Variants in FRMPD4 observed in about 807,000 individuals in gnomAD.
The protein encoded by FRMPD4 is FERM and PDZ domain-containing protein 4.
In FRMPD4, 22 loss-of-function variants were observed where a neutral mutation model predicts 94.1. That is an observed-to-expected ratio of 0.23 (90% CI 0.17 to 0.33). The LOEUF (loss-of-function observed/expected upper bound fraction) is 0.33. Ranked by LOEUF, FRMPD4 falls within the 10% of genes least tolerant of loss-of-function variation. The pLI is 1.00. For synonymous variants in FRMPD4, 631 were observed against 548.6 expected (o/e 1.15, Z -2.10); for missense variants, 1,111 against 1,339.9 (o/e 0.83, Z 2.67).
At chrX:12,334,977 C>A (rs2055494286) in intron 1 of FRMPD4, among the ~76,000 whole-genome samples, 1 of 111,336 alleles carries the variant, frequency 9.0e-6, no homozygotes, top group East Asian at 2.8e-4. Flanking sequence ...TACAGAGATA[C>A]AATTGAAGTT....
chrX:12,570,462 C>A (rs2058751032), intron 2 of FRMPD4, among the ~76,000 whole-genome samples: 1 of 111,062 alleles, frequency 9.0e-6, no homozygotes, highest in African/African-American at 3.3e-5. Context: ...CCCACCACCA[C>A]ACATGGCTAA....
intron 3 of FRMPD4, among the ~76,000 whole-genome samples, chrX:11,962,033 G>A (rs898941175): frequency 2.7e-5 from 3 of 112,700 alleles, no homozygotes; most frequent in African/African-American, 3.2e-5. Context: ...CTCTAAGGCC[G>A]AAGGACAAAA....
intron 3 of FRMPD4, among the ~76,000 whole-genome samples, chrX:12,100,428 G>A (rs189094542): frequency 2.7e-5 from 3 of 111,104 alleles, no homozygotes; most frequent in Admixed American, 1.9e-4. Context: ...CAGCTAATTA[G>A]GAGAGTTGAT....
chrX:12,686,487 T>C (rs984477556), intron 7 of FRMPD4, among the ~76,000 whole-genome samples: 1 of 111,944 alleles, frequency 8.9e-6, no homozygotes, highest in Non-Finnish European at 1.9e-5. Flanking sequence ...CAACTACAGA[T>C]TAATTAAAAT....
intron 1 of FRMPD4, among the ~76,000 whole-genome samples, chrX:12,372,274 C>T (rs2056173274): frequency 8.8e-6 from 1 of 113,170 alleles, no homozygotes; most frequent in Admixed American, 9.3e-5. Context: ...CTGCCGGAAA[C>T]GTGTCAGCCT....
At chrX:12,351,348 C>T (rs377413723) in intron 1 of FRMPD4, among the ~76,000 whole-genome samples, 41 of 110,100 alleles carry the variant, frequency 3.7e-4, no homozygotes, top group African/African-American at 1.3e-3. Context: ...TAGAGGAACA[C>T]GTGACTTGGT....
At chrX:11,978,797 G>T (rs773448388) in intron 3 of FRMPD4, among the ~76,000 whole-genome samples, 2 of 111,396 alleles carry the variant, frequency 1.8e-5, no homozygotes, top group Non-Finnish European at 3.8e-5. Flanking sequence ...TCAAATTAGG[G>T]TCGCTGCTTT....
chrX:12,371,725 A>G (rs915349933), intron 1 of FRMPD4, among the ~76,000 whole-genome samples: 2 of 111,741 alleles, frequency 1.8e-5, no homozygotes, highest in African/African-American at 3.3e-5. Flanking sequence ...ATTAATAAAT[A>G]TGCCTATGAT....
chrX:12,298,895 C>T (rs1358632139), intron 1 of FRMPD4, among the ~76,000 whole-genome samples: 1 of 111,954 alleles, frequency 8.9e-6, no homozygotes, highest in Non-Finnish European at 1.9e-5. Flanking sequence ...CAACTCAAAG[C>T]CAGATGGGCG....
chrX:12,425,012 T>A (rs1051067209), intron 1 of FRMPD4, among the ~76,000 whole-genome samples: 4 of 112,737 alleles, frequency 3.5e-5, no homozygotes, highest in African/African-American at 1.3e-4. Context: ...GAAAAACCCT[T>A]CTTTAAAAAA....
At chrX:12,025,092 T>C (rs1404343154) in intron 3 of FRMPD4, among the ~76,000 whole-genome samples, 4 of 111,335 alleles carry the variant, frequency 3.6e-5, no homozygotes, top group Non-Finnish European at 7.6e-5. Flanking sequence ...GTCTTGGTTT[T>C]TCCCCCTTCT....
At chrX:11,953,908 G>A (rs2054240313) in intron 3 of FRMPD4, among the ~76,000 whole-genome samples, 1 of 111,928 alleles carries the variant, frequency 8.9e-6, no homozygotes, top group Non-Finnish European at 1.9e-5. Flanking sequence ...GTAAACAAAG[G>A]GGTTATTCAC....
Position 12,602,716 on chromosome X carries a change from G to C in FRMPD4, c.159-7005G>C, listed in dbSNP as rs775756567. Among the ~76,000 whole-genome samples the C allele has an allele frequency of 6.3e-4, 71 of 111,869 alleles. 1 individual carries two copies. Among genetic ancestry groups the C allele is most frequent in the Non-Finnish European group, 6.2e-4 (33 of 53,198 alleles). On this transcript the variant is annotated intron_variant, in intron 2 of 16. Coordinates refer to ENST00000675598, the MANE Select transcript of FRMPD4 (RefSeq NM_001368397.1). Reference sequence around the variant, plus strand: ...CTGATCTAGGCTTGGGGGCTGGGCAGCTCTGCTATACTTAGCTTCTCACTG... The same window carrying C: ...CTGATCTAGGCTTGGGGGCTGGGCACCTCTGCTATACTTAGCTTCTCACTG...
intron 1 of FRMPD4, among the ~76,000 whole-genome samples, chrX:12,230,838 CT>C (rs2056976705): frequency 1.1e-5 from 1 of 93,897 alleles, no homozygotes; most frequent in Non-Finnish European, 2.1e-5. Flanking sequence ...CTAGACCTAA[CT>C]ACAAAGCACT....
chrX:11,950,374 C>T (rs1169321016), intron 3 of FRMPD4, among the ~76,000 whole-genome samples: 8 of 103,378 alleles, frequency 7.7e-5, no homozygotes, highest in Non-Finnish European at 1.6e-4. Context: ...TACACAAGTA[C>T]ATTACCTCAC....
chrX:12,335,449 C>T (rs991845205), intron 1 of FRMPD4, among the ~76,000 whole-genome samples: 23 of 111,942 alleles, frequency 2.1e-4, no homozygotes, highest in Non-Finnish European at 3.8e-5. Flanking sequence ...TCCTTCTTAA[C>T]TTGACATTTT....
intron 3 of FRMPD4, among the ~76,000 whole-genome samples, chrX:11,881,856 A>C (rs767528870): frequency 8.9e-6 from 1 of 112,150 alleles, no homozygotes. Flanking sequence ...AAACACAAAC[A>C]CGAATAAGTA....
chrX:12,600,928 CATT>C (rs2059079140), intron 2 of FRMPD4, among the ~76,000 whole-genome samples: 1 of 111,943 alleles, frequency 8.9e-6, no homozygotes, highest in Admixed American at 9.5e-5. Context: ...TTAGAATTCT[CATT>C]GTTGAATTTT....
intron 2 of FRMPD4, among the ~76,000 whole-genome samples, chrX:11,865,586 G>A: frequency 8.9e-6 from 1 of 111,991 alleles, no homozygotes; most frequent in Admixed American, 9.5e-5. Flanking sequence ...TTAGAGGTAA[G>A]TATTTTCACC....
Sources: gnomAD v4.1 joint callset for allele counts (sites outside exome capture counted in the v4.1 genomes callset) on GRCh38, gnomAD v4.1.1 for gene constraint, MANE v1.5 for transcripts, NCBI Gene and HGNC (gene_info 2026-07-23, HGNC 2026-07-21) for gene names.